Variants in ELAVL2 observed in about 807,000 individuals in gnomAD.
ELAVL2 encodes ELAV like RNA binding protein 2, also known as ELAV-like protein 2.
In ELAVL2, 4 loss-of-function variants were observed where a neutral mutation model predicts 34.6. The ratio of observed to expected loss-of-function variants is 0.12; its 90% CI spans 0.06 to 0.26. The LOEUF is 0.26. ELAVL2 is among the 10% of genes least tolerant of loss of function. The pLI, the probability that ELAVL2 is intolerant of heterozygous loss-of-function variation, is 1.00. For missense variants in ELAVL2, 432 were observed against 442.8 expected (o/e 0.98, Z 0.22); for synonymous variants, 193 against 154.8 (o/e 1.25, Z -1.83).
chr9:23,696,594 G>A (rs939916238), intron 5 of ELAVL2, among the ~76,000 whole-genome samples: 4 of 152,042 alleles, frequency 2.6e-5, no homozygotes, highest in African/African-American at 7.2e-5. Context: ...CCAGCCTCTC[G>A]AGTAGCTGGG....
chr9:23,781,563 C>G (rs1231850746), intron 1 of ELAVL2, among the ~76,000 whole-genome samples: 2 of 149,844 alleles, frequency 1.3e-5, no homozygotes, highest in Non-Finnish European at 3.0e-5. Context: ...TGTCACCAAC[C>G]AGGCTGGAGT....
In ELAVL2 at chr9:23,761,967, G is replaced by A. The variant is rs376026078; in HGVS notation, c.229+39C>T. 198 of 1,561,096 alleles carry A rather than the reference G, an allele frequency of 1.3e-4. 1 individual carries two copies. In the Middle Eastern group the frequency reaches 1.9e-3, roughly 15 times the overall value. On this transcript the variant is annotated intron_variant, in intron 2 of 6. Transcript: ENST00000397312. ...ATTATTTTCTCCTATCTTGAGACACGATCCGTTAAATATAAATCATCTACA... is the reference window on the plus strand; with the variant it reads ...ATTATTTTCTCCTATCTTGAGACACAATCCGTTAAATATAAATCATCTACA...
the ELAVL2 span, among the ~76,000 whole-genome samples, chr9:23,838,542 T>A: frequency 6.6e-6 from 1 of 152,098 alleles, no homozygotes; most frequent in South Asian, 2.1e-4. Flanking sequence ...TGCTCTACCA[T>A]TTTTTTAGAC....
chr9:23,762,504 G>T lies in ELAVL2; in HGVS notation c.-15-255C>A, dbSNP rs181550247. 2.4e-3 allele frequency among the ~76,000 whole-genome samples: 364 copies of T among 152,022 alleles called. 3 individuals are homozygous for T. The highest frequency in any genetic ancestry group is 8.4e-3 in the African/African-American group (349 of 41,466). On this transcript the variant is annotated intron_variant, in intron 1 of 6. Coordinates refer to ENST00000397312, the MANE Select transcript of ELAVL2 (RefSeq NM_004432.5). ...CAATTTAAATCTTAAACATTTTCTAGAATCACATTCTGGGTCTATTCACAT... is the reference window on the plus strand; with the variant it reads ...CAATTTAAATCTTAAACATTTTCTATAATCACATTCTGGGTCTATTCACAT...
Position 23,705,080 on chromosome 9 carries a change from G to C in ELAVL2, c.334-9C>G. On this transcript the variant is annotated splice_polypyrimidine_tract_variant and intron_variant, in intron 3 of 6. Coordinates refer to ENST00000397312, the MANE Select transcript of ELAVL2 (RefSeq NM_004432.5). ...GGGCGAGCATAGGAAACCTGGAAAA[G>C]GAAAATAAAATTAAATGTATATGCA... The C allele has an allele frequency of 1.9e-6, 3 of 1,613,710 alleles. No homozygotes were observed. The highest frequency in any genetic ancestry group is 1.1e-5 in the South Asian group (1 of 91,072).
chr9:23,722,597 T>C (rs2044021117), intron 3 of ELAVL2, among the ~76,000 whole-genome samples: 1 of 152,234 alleles, frequency 6.6e-6, no homozygotes, highest in Admixed American at 6.5e-5. Context: ...TCAGTTGGTT[T>C]ATTTAGAGTG....
chr9:23,711,941 C>T (rs965179890), intron 3 of ELAVL2, among the ~76,000 whole-genome samples: 6 of 152,092 alleles, frequency 3.9e-5, no homozygotes, highest in South Asian at 2.1e-4. Flanking sequence ...CAACATTATA[C>T]GCATTGGTAC....
intron 2 of ELAVL2, among the ~76,000 whole-genome samples, chr9:23,753,612 A>G (rs891726463): frequency 1.3e-5 from 2 of 152,316 alleles, no homozygotes; most frequent in Admixed American, 6.5e-5. Context: ...CAACAAGTTC[A>G]TATCACAATT....
chr9:23,745,227 A>G (rs1052508753), intron 2 of ELAVL2, among the ~76,000 whole-genome samples: 8 of 152,138 alleles, frequency 5.3e-5, no homozygotes, highest in Admixed American at 6.5e-5. Context: ...TAAAATACAA[A>G]TCAAATAACC....
At chr9:23,694,331 A>G (rs11790328) in intron 5 of ELAVL2, among the ~76,000 whole-genome samples, 3 of 151,862 alleles carry the variant, frequency 2.0e-5, no homozygotes, top group African/African-American at 4.8e-5. Flanking sequence ...AACCTTCTAC[A>G]TTTTTCCTAT....
intron 1 of ELAVL2, among the ~76,000 whole-genome samples, chr9:23,820,089 G>C (rs1322695986): frequency 6.8e-6 from 1 of 146,264 alleles, no homozygotes; most frequent in Non-Finnish European, 1.5e-5. Context: ...CACCAAAATG[G>C]AAACTCCAGG....
At chr9:23,790,759 C>T (rs947785076) in intron 1 of ELAVL2, among the ~76,000 whole-genome samples, 1 of 152,158 alleles carries the variant, frequency 6.6e-6, no homozygotes, top group Non-Finnish European at 1.5e-5. Flanking sequence ...GGTGATTTTC[C>T]GCATACCTCA....
At chr9:23,756,256 C>T (rs1016049310) in intron 2 of ELAVL2, among the ~76,000 whole-genome samples, 1 of 152,150 alleles carries the variant, frequency 6.6e-6, no homozygotes, top group African/African-American at 2.4e-5. Flanking sequence ...AGCCCTAAGG[C>T]GTGCTGGGGC....
intron 3 of ELAVL2, among the ~76,000 whole-genome samples, chr9:23,710,507 A>C (rs966264869): frequency 6.6e-6 from 1 of 152,222 alleles, no homozygotes; most frequent in East Asian, 1.9e-4. Flanking sequence ...TGAACAAAGA[A>C]GTTCCCTCTT....
intron 1 of ELAVL2, among the ~76,000 whole-genome samples, chr9:23,804,128 AAG>A (rs2061909405): frequency 6.6e-6 from 1 of 152,180 alleles, no homozygotes; most frequent in African/African-American, 2.4e-5. Context: ...TTGATGCAAA[AAG>A]ATAACCACAG....
chr9:23,768,045 C>T (rs2056643299), intron 1 of ELAVL2, among the ~76,000 whole-genome samples: 1 of 152,118 alleles, frequency 6.6e-6, no homozygotes, highest in South Asian at 2.1e-4. Context: ...CAAATTAAAG[C>T]CTCCAAAAGG....
chr9:23,707,722 A>C (rs2039780780), intron 3 of ELAVL2, among the ~76,000 whole-genome samples: 1 of 152,226 alleles, frequency 6.6e-6, no homozygotes, highest in South Asian at 2.1e-4. Flanking sequence ...TACCTTCTTT[A>C]TATGGCTATT....
rs558302280 is a variant in ELAVL2 at position 23,814,717 on chromosome 9, A to G, written c.-16+11089T>C. 2.0e-5 allele frequency among the ~76,000 whole-genome samples: 3 copies of G among 152,274 alleles called. 1 individual carries two copies. The highest frequency in any genetic ancestry group is 7.2e-5 in the African/African-American group (3 of 41,558). On this transcript the variant is annotated intron_variant, in intron 1 of 6. Coordinates refer to ENST00000397312, the MANE Select transcript of ELAVL2 (RefSeq NM_004432.5). ...TTGCTCCCTCTATAATAAATGTTGT[A>G]TATTTAACACATTCTGGATACCTCT...
At chr9:23,802,960 TAAC>T (rs1024384422) in intron 1 of ELAVL2, among the ~76,000 whole-genome samples, 21 of 152,096 alleles carry the variant, frequency 1.4e-4, no homozygotes, top group African/African-American at 4.1e-4. Flanking sequence ...TTTATACACA[TAAC>T]AAACAAAAGG....
Sources: gnomAD v4.1 joint callset for allele counts (sites outside exome capture counted in the v4.1 genomes callset) on GRCh38, gnomAD v4.1.1 for gene constraint, MANE v1.5 for transcripts, NCBI Gene and HGNC (gene_info 2026-07-23, HGNC 2026-07-21) for gene names.